STK11: variants seen among roughly 807,000 people sequenced by gnomAD.
The protein encoded by STK11 is serine/threonine-protein kinase STK11.
STK11 carries 8 observed loss-of-function variants against 47.3 expected under a neutral mutation model. That is an observed-to-expected ratio of 0.17 (90% confidence interval 0.10 to 0.31). The LOEUF (loss-of-function observed/expected upper bound fraction) is 0.31, where lower values mean the gene tolerates loss of function less well. Among genes scored for constraint, STK11 ranks in the 10% least tolerant of loss-of-function variants. STK11 has a pLI of 1.00. For missense variants in STK11, 475 were observed against 605.0 expected (o/e 0.79, Z 2.25); for synonymous variants, 330 against 255.8 (o/e 1.29, Z -2.77).
intron 8 of STK11, chr19:1,225,555 C>T (rs1013105655): frequency 2.0e-6 from 2 of 985,464 alleles, no homozygotes; most frequent in South Asian, 4.7e-5. Context: ...AAGCGTGAGC[C>T]ACCGCGACCG....
intron 5 of STK11, 108 bp from the exon 6 acceptor site, chr19:1,221,105 C>G (rs746692351): frequency 2.0e-6 from 3 of 1,499,776 alleles, no homozygotes; most frequent in African/African-American, 2.8e-5. Context: ...CACAGGGCCT[C>G]TGGTCCAGCA....
intron 8 of STK11, chr19:1,223,636 A>C: frequency 9.4e-7 from 1 of 1,066,368 alleles, no homozygotes; most frequent in Non-Finnish European, 1.1e-6. Flanking sequence ...CTTCTTCCCT[A>C]GGTGGCGAGG....
chr19:1,209,583 AAAATAAATAAATAAAT>A (rs35010183), intron 1 of STK11, among the ~76,000 whole-genome samples: 32 of 147,294 alleles, frequency 2.2e-4, no homozygotes, highest in South Asian at 8.9e-4. Flanking sequence ...CTCTGTCTCA[AAAATAAATAAATAAAT>A]AAATAAATAA....
At position 1,206,592 on chromosome 19, in the gene STK11, A is replaced by G; in HGVS notation, c.-322A>G. On this transcript the variant is annotated 5_prime_UTR_variant, in exon 1 of 10. Coordinates refer to ENST00000326873, the MANE Select transcript of STK11 (RefSeq NM_000455.5). ...GCCGGCCTCCCCAGGGTCCCCGAGG[A>G]CGAAGTTGACCCTGACCGGGCCGTC... is the stretch of plus-strand genomic sequence containing the variant. The G allele has an allele frequency of 2.3e-6, 1 of 432,120 alleles. No homozygotes were observed. Among genetic ancestry groups the G allele is most frequent in the Non-Finnish European group, 4.1e-6 (1 of 241,250 alleles). 26.8% of individuals were successfully genotyped at this position (432,120 alleles called of 1,614,324 possible).
intron 2 of STK11, 147 bp from the exon 3 acceptor site, chr19:1,219,176 AG>A: frequency 2.2e-6 from 2 of 889,546 alleles, no homozygotes; most frequent in Non-Finnish European, 3.5e-6. Flanking sequence ...GCCTTTTCAG[AG>A]GGGTGGCTGA....
intron 7 of STK11, 101 bp from the exon 8 acceptor site, chr19:1,222,884 T>C: frequency 1.5e-6 from 2 of 1,348,270 alleles, no homozygotes; most frequent in Admixed American, 2.5e-5. Context: ...TCCCAGCTCC[T>C]GAGTGTGTGG....
At chr19:1,223,245 C>A in intron 8 of STK11, 73 bp downstream of exon 8, 1 of 1,511,550 alleles carries the variant, frequency 6.6e-7, no homozygotes, top group Non-Finnish European at 8.9e-7. Context: ...GGGTGCCTGC[C>A]TGTCTGCAAC....
intron 1 of STK11, among the ~76,000 whole-genome samples, chr19:1,213,814 G>A (rs1447079149): frequency 2.0e-5 from 3 of 152,228 alleles, no homozygotes; most frequent in Non-Finnish European, 4.4e-5. Flanking sequence ...CAGGGCACGC[G>A]GGTCTGGAGC....
At chr19:1,220,035 G>A (rs1202607802) in intron 3 of STK11, 1 of 292,084 alleles carries the variant, frequency 3.4e-6, no homozygotes, top group Non-Finnish European at 6.5e-6. Flanking sequence ...TGTGGCCTCA[G>A]AGTCAGGGCC....
intron 9 of STK11, 165 bp downstream of exon 9, chr19:1,226,828 G>A (rs2080826954): frequency 2.3e-6 from 2 of 860,786 alleles, no homozygotes; most frequent in Middle Eastern, 3.7e-4. Flanking sequence ...TCCCCGTGGA[G>A]GGTGCCGTCT....
intron 1 of STK11, among the ~76,000 whole-genome samples, chr19:1,211,414 G>A (rs1420971044): frequency 1.3e-5 from 2 of 152,172 alleles, no homozygotes; most frequent in Non-Finnish European, 2.9e-5. Flanking sequence ...GTGCTTCTCG[G>A]GGGACAGCAC....
Position 1,227,594 on chromosome 19 carries a change from C to G in STK11, c.*18C>G, listed in dbSNP as rs1057522352. 1 of 1,064,892 alleles carries G rather than the reference C, an allele frequency of 9.4e-7. No individual in the cohort carries two copies. The highest frequency in any genetic ancestry group is 1.1e-6 in the Non-Finnish European group (1 of 879,090). 66.0% of individuals were successfully genotyped at this position (1,064,892 alleles called of 1,614,324 possible). ...TTCCGTCTTCCTTCCACCCTGCAGC[C>G]CGTGTCCAGGAGCCCCGCCAGGTGC... On this transcript the variant is annotated splice_region_variant and 3_prime_UTR_variant, in exon 10 of 10. Coordinates refer to ENST00000326873, the MANE Select transcript of STK11 (RefSeq NM_000455.5).
In STK11 at chr19:1,223,903, G is replaced by A. The variant is rs151320943; in HGVS notation, c.1108+731G>A. ...TGCAGGGTGGATGCTTGCTGCGCTCGGGCTGGAGCCTGAGGGGGCTTTCTG... is the reference window on the plus strand; with the variant it reads ...TGCAGGGTGGATGCTTGCTGCGCTCAGGCTGGAGCCTGAGGGGGCTTTCTG... On this transcript the variant is annotated intron_variant, in intron 8 of 9. Transcript: ENST00000326873. 563 of 1,015,310 alleles carry A rather than the reference G, an allele frequency of 5.5e-4. 4 individuals are homozygous for A. In the African/African-American group the frequency reaches 9.1e-3, roughly 16 times the overall value. 62.9% of individuals were successfully genotyped at this position (1,015,310 alleles called of 1,614,324 possible).
rs2080668352 is a variant in STK11 at position 1,206,781 on chromosome 19, T to A, written c.-133T>A. 2 of 1,146,380 alleles carry A rather than the reference T, an allele frequency of 1.7e-6. No homozygotes were observed. The highest frequency in any genetic ancestry group is 2.4e-6 in the Non-Finnish European group (2 of 835,250). The allele number at this position is 1,146,380 out of a possible 1,614,324, so 71.0% of individuals were successfully genotyped here. A position where few individuals can be genotyped will look rare whatever the true frequency, so the allele number is the denominator to read the frequency against. On this transcript the variant is annotated 5_prime_UTR_variant, in exon 1 of 10. It adds an upstream start codon to the 5' untranslated region. Transcript: ENST00000326873. Reference sequence around the variant, plus strand: ...TGGAAGAAGGGTTTTTCCCTTCCTTTTGGGGTTTTTGTTGCCTTTTTTTTT... The same window carrying A: ...TGGAAGAAGGGTTTTTCCCTTCCTTATGGGGTTTTTGTTGCCTTTTTTTTT...
chr19:1,206,849 C>A lies in STK11; in HGVS notation c.-65C>A, dbSNP rs1406046777. The A allele has an allele frequency of 1.3e-6, 2 of 1,485,890 alleles. No individual in the cohort carries two copies. Among genetic ancestry groups the A allele is most frequent in the Non-Finnish European group, 1.8e-6 (2 of 1,110,966 alleles). 92.0% of individuals were successfully genotyped at this position (1,485,890 alleles called of 1,614,324 possible). A position where few individuals can be genotyped will look rare whatever the true frequency, so the allele number is the denominator to read the frequency against. ...ATTTTGGAGAAGGGAAGTCGGAACACAAGGAAGGACCGCTCACCCGCGGAC... is the reference window on the plus strand; with the variant it reads ...ATTTTGGAGAAGGGAAGTCGGAACAAAAGGAAGGACCGCTCACCCGCGGAC... On this transcript the variant is annotated 5_prime_UTR_variant, in exon 1 of 10. Coordinates refer to ENST00000326873, the MANE Select transcript of STK11 (RefSeq NM_000455.5).
intron 3 of STK11, 32 bp downstream of exon 3, chr19:1,219,445 CG>C: frequency 5.3e-6 from 3 of 560,786 alleles, no homozygotes; most frequent in East Asian, 6.3e-5. Context: ...CAGGGTGGGG[CG>C]GGGGCCGGGG....
chr19:1,216,581 A>G lies in STK11; in HGVS notation c.291-1836A>G, dbSNP rs552347396. 1.0e-3 allele frequency among the ~76,000 whole-genome samples: 154 copies of G among 148,450 alleles called. 1 individual carries two copies. Among genetic ancestry groups the G allele is most frequent in the African/African-American group, 3.6e-3 (148 of 40,788 alleles). On this transcript the variant is annotated intron_variant, in intron 1 of 9. Transcript: ENST00000326873. ...GCGACAGAGTGAGACTCCGTCTCCAAAAAAAAAAAAACAAGAAATGGGATC... is the reference window on the plus strand; with the variant it reads ...GCGACAGAGTGAGACTCCGTCTCCAGAAAAAAAAAAACAAGAAATGGGATC...
At chr19:1,208,112 G>A (rs913779480) in intron 1 of STK11, among the ~76,000 whole-genome samples, 2 of 152,170 alleles carry the variant, frequency 1.3e-5, no homozygotes, top group African/African-American at 2.4e-5. Context: ...TTCCAAGAAA[G>A]GACCTTATCT....
In STK11 at chr19:1,207,201, GAAGT is replaced by G. The variant is rs587782096; in HGVS notation, c.290+4_290+7del. On this transcript the variant is annotated splice_donor_variant and coding_sequence_variant, in exon 1 of 10. Transcript: ENST00000326873. LOFTEE classifies it high-confidence loss of function. ...TCCCCAACGGGGAGGCCAACGTGAA[GAAGT>G]AAGTATGGCTTGCTGGGGTCGGGGC... 2 of 1,601,692 alleles carry G rather than the reference GAAGT, an allele frequency of 1.2e-6. No homozygotes were observed. Among genetic ancestry groups the G allele is most frequent in the Non-Finnish European group, 1.7e-6 (2 of 1,174,140 alleles).
Sources: allele counts gnomAD v4.1 joint callset (sites outside exome capture counted in the v4.1 genomes callset), GRCh38; gene constraint gnomAD v4.1.1; transcripts MANE v1.5; gene names NCBI Gene and HGNC (gene_info 2026-07-23, HGNC 2026-07-21).